The following PIK3AP1 variants were observed in gnomAD, a reference collection of about 807,000 sequenced individuals.
PIK3AP1 encodes the protein phosphoinositide 3-kinase adapter protein 1.
Under a neutral mutation model 88.1 loss-of-function variants are expected in PIK3AP1, and 21 were observed. The ratio of observed to expected loss-of-function variants is 0.24; its 90% CI spans 0.17 to 0.34. The LOEUF (loss-of-function observed/expected upper bound fraction) is 0.34, where lower values mean the gene tolerates loss of function less well. Among genes scored for constraint, PIK3AP1 ranks in the 10% least tolerant of loss-of-function variants. The pLI is 1.00. For missense variants in PIK3AP1, 828 were observed against 1,035.7 expected (o/e 0.80, Z 2.75); for synonymous variants, 398 against 400.0 (o/e 1.00, Z 0.06).
At position 96,651,248 on chromosome 10, in the gene PIK3AP1, T is replaced by G; in HGVS notation, c.988A>C (p.Asn330His). 2 of 1,614,274 alleles carry G rather than the reference T, an allele frequency of 1.2e-6. No homozygotes were observed. Among genetic ancestry groups the G allele is most frequent in the Non-Finnish European group, 1.7e-6 (2 of 1,180,046 alleles). ...NQLEEEDMMT[N>H]QRDEELPTLL... Reference sequence around the variant, plus strand: ...TCCTGAGGTTTGACTGTCAACTTACTTGTCATCATATCTTCTTCTTCCAGC... The same window carrying G: ...TCCTGAGGTTTGACTGTCAACTTACGTGTCATCATATCTTCTTCTTCCAGC... Residue 330 changes from asparagine to histidine, a missense_variant and splice_region_variant, in exon 6 of 17, where the codon AAT becomes CAT. By Grantham distance (68) the Asn-to-His change is moderately conservative. Around this residue, in one of 3 missense-constraint regions of PIK3AP1, gnomAD observed 610 missense variants for 760.1 expected, o/e 0.80. Coordinates refer to ENST00000339364, the MANE Select transcript of PIK3AP1 (RefSeq NM_152309.3).
intron 2 of PIK3AP1, among the ~76,000 whole-genome samples, chr10:96,684,704 G>A (rs1302305458): frequency 6.6e-6 from 1 of 151,930 alleles, no homozygotes; most frequent in African/African-American, 2.4e-5. Flanking sequence ...AGACAGAATG[G>A]GTACCTTCCA....
At chr10:96,616,601 A>AT (rs777312089) in intron 13 of PIK3AP1, 38 bp downstream of exon 13, 2 of 1,598,282 alleles carry the variant, frequency 1.3e-6, no homozygotes, top group African/African-American at 1.3e-5. Flanking sequence ...GATGACAGCA[A>AT]TGTCCCACAC....
At chr10:96,696,146 C>T (rs1267263988) in intron 2 of PIK3AP1, among the ~76,000 whole-genome samples, 1 of 152,184 alleles carries the variant, frequency 6.6e-6, no homozygotes, top group Non-Finnish European at 1.5e-5. Flanking sequence ...CTCACTCCTC[C>T]AGTCATCCAT....
At chr10:96,687,784 C>T (rs2008201640) in intron 2 of PIK3AP1, among the ~76,000 whole-genome samples, 3 of 152,176 alleles carry the variant, frequency 2.0e-5, no homozygotes, top group Admixed American at 2.0e-4. Context: ...ACACTAGACC[C>T]ACCCTTCCTT....
intron 2 of PIK3AP1, among the ~76,000 whole-genome samples, chr10:96,702,928 G>A (rs1844318413): frequency 6.6e-6 from 1 of 152,094 alleles, no homozygotes; most frequent in African/African-American, 2.4e-5. Flanking sequence ...CCAGGCTGGA[G>A]TGCAGTGCTG....
intron 10 of PIK3AP1, among the ~76,000 whole-genome samples, chr10:96,625,397 G>C (rs761846895): frequency 4.6e-5 from 7 of 152,190 alleles, no homozygotes; most frequent in Non-Finnish European, 1.0e-4. Context: ...AGTGTCTGCT[G>C]CTCATGCCAA....
At chr10:96,681,495 A>G (rs1413225845) in intron 2 of PIK3AP1, among the ~76,000 whole-genome samples, 3 of 152,208 alleles carry the variant, frequency 2.0e-5, no homozygotes, top group African/African-American at 4.8e-5. Context: ...TAATCCAATT[A>G]TTCTCTCATA....
chr10:96,620,521 G>A lies in PIK3AP1; in HGVS notation c.1772C>T (p.Ser591Leu), dbSNP rs753269264. The stretch of plus-strand genomic sequence containing the variant: ...TCCCGCAAAAGGGTCATATATACTC[G>A]ACTGGGGCCTGTCCCTCCATGGTCT... ...PVRPWRDRPQ[S>L]SIYDPFAGMK... The change falls in exon 12 of 17, where the codon TCG becomes TTG. Residue 591 changes from serine (S) to leucine (L), a missense_variant. Ser to Leu is a moderately radical substitution (Grantham distance 145, BLOSUM62 -2). Coordinates refer to ENST00000339364, the MANE Select transcript of PIK3AP1 (RefSeq NM_152309.3). 6.8e-6 allele frequency: 11 copies of A among 1,613,300 alleles called. No homozygotes were observed. The highest frequency in any genetic ancestry group is 9.3e-6 in the Non-Finnish European group (11 of 1,180,026).
At chr10:96,657,042 T>G (rs957961315) in intron 2 of PIK3AP1, 108 bp from the exon 3 acceptor site, 15 of 1,191,832 alleles carry the variant, frequency 1.3e-5, no homozygotes, top group Non-Finnish European at 1.8e-5. Context: ...CGGCTCTGAA[T>G]GTCAAACCAA....
intron 14 of PIK3AP1, among the ~76,000 whole-genome samples, chr10:96,604,707 G>A (rs1848971808): frequency 6.6e-6 from 1 of 152,060 alleles, no homozygotes; most frequent in Admixed American, 6.6e-5. Context: ...GCTCTTCAGT[G>A]GTATTTCTAA....
chr10:96,603,148 C>G (rs1848933402), intron 15 of PIK3AP1, among the ~76,000 whole-genome samples: 1 of 152,196 alleles, frequency 6.6e-6, no homozygotes, highest in Non-Finnish European at 1.5e-5. Context: ...TCCTTCCTTT[C>G]TTTCCTTCTT....
chr10:96,618,777 C>G (rs1843035885), intron 12 of PIK3AP1: 1 of 152,222 alleles, frequency 6.6e-6, no homozygotes, highest in African/African-American at 2.4e-5. Flanking sequence ...AGAGCCCTGG[C>G]TGTTCTTAAC....
chr10:96,662,888 C>CAAAAAAAAAAA (rs749898725), intron 2 of PIK3AP1, among the ~76,000 whole-genome samples: 9 of 22,572 alleles, frequency 4.0e-4, no homozygotes, highest in South Asian at 8.7e-4. Flanking sequence ...GACTCCGTCT[C>CAAAAAAAAAAA]AAAAAAAAAA....
chr10:96,705,126 A>G (rs927420827), intron 2 of PIK3AP1, among the ~76,000 whole-genome samples: 27 of 152,226 alleles, frequency 1.8e-4, no homozygotes, highest in Non-Finnish European at 2.1e-4. Context: ...AAAGGGTTAC[A>G]TAAATTATAA....
chr10:96,705,209 G>A (rs763644087), intron 2 of PIK3AP1, among the ~76,000 whole-genome samples: 2 of 152,164 alleles, frequency 1.3e-5, no homozygotes, highest in Admixed American at 6.6e-5. Context: ...TCAGTTGGGA[G>A]TCAAAAACCT....
intron 8 of PIK3AP1, among the ~76,000 whole-genome samples, chr10:96,643,807 G>A (rs1025657579): frequency 6.6e-6 from 1 of 152,176 alleles, no homozygotes; most frequent in African/African-American, 2.4e-5. Context: ...TGTGGGCCCA[G>A]GGCCCTACTG....
At chr10:96,679,738 A>G (rs1054894083) in intron 2 of PIK3AP1, among the ~76,000 whole-genome samples, 2 of 152,200 alleles carry the variant, frequency 1.3e-5, no homozygotes, top group South Asian at 4.1e-4. Context: ...CCAAGGTCCC[A>G]GGTTCTTCCC....
At chr10:96,655,650 G>T (rs1272514834) in intron 3 of PIK3AP1, among the ~76,000 whole-genome samples, 1 of 152,124 alleles carries the variant, frequency 6.6e-6, no homozygotes, top group Admixed American at 6.5e-5. Context: ...TTGAATTATG[G>T]GGGGGCGGGT....
chr10:96,597,333 TC>T (rs1848784854), intron 16 of PIK3AP1, among the ~76,000 whole-genome samples: 2 of 91,512 alleles, frequency 2.2e-5, no homozygotes, highest in African/African-American at 5.0e-5. Context: ...CTTCCTTCTT[TC>T]CTTCCCTCCC....
Sources: allele counts gnomAD v4.1 joint callset (sites outside exome capture counted in the v4.1 genomes callset), GRCh38; gene constraint gnomAD v4.1.1; regional missense constraint gnomAD v4.1.1; transcripts MANE v1.5; gene names NCBI Gene and HGNC (gene_info 2026-07-23, HGNC 2026-07-21).